Variants in NELL1 observed in about 807,000 individuals in gnomAD.
The protein encoded by NELL1 is protein kinase C-binding protein NELL1.
NELL1 carries 76 observed loss-of-function variants against 107.4 expected under a neutral mutation model. The ratio of observed to expected loss-of-function variants is 0.71; its 90% CI spans 0.59 to 0.86. The LOEUF (loss-of-function observed/expected upper bound fraction) is 0.86, where lower values mean the gene tolerates loss of function less well. Ranked by LOEUF, NELL1 falls within the 40% of genes least tolerant of loss-of-function variation. NELL1 has a pLI of 0.00. For missense variants in NELL1, 1,024 were observed against 1,005.5 expected, an observed-to-expected ratio of 1.02 and a Z score of -0.25; for synonymous variants, 353 against 341.2, an observed-to-expected ratio of 1.03 and a Z score of -0.38.
rs562957216 is a variant in NELL1, at chr11:21,319,474, G to A, written c.1550-51379G>A. ...CAAAGTGCTGGGATTACAGGCATGA[G>A]CCACCATGCCCAGCTAAATTTATAT... is the stretch of plus-strand genomic sequence containing the variant. On this transcript the variant is annotated intron_variant, in intron 14 of 19. Transcript: ENST00000357134. Among the ~76,000 whole-genome samples the A allele has an allele frequency of 2.6e-4, 37 of 144,172 alleles. No individual in the cohort carries two copies. In the Middle Eastern group the frequency reaches 0.011, roughly 43 times the overall value. 94.6% of individuals were successfully genotyped at this position (144,172 alleles called of 152,430 possible). A position where few individuals can be genotyped will look rare whatever the true frequency, so the allele number is the denominator to read the frequency against.
At chr11:20,931,299 T>C (rs893601502) in intron 9 of NELL1, among the ~76,000 whole-genome samples, 1 of 152,086 alleles carries the variant, frequency 6.6e-6, no homozygotes, top group African/African-American at 2.4e-5. Flanking sequence ...CTTCTAGAAG[T>C]TGACTTTTGT....
chr11:20,858,592 C>G (rs1848923096), intron 4 of NELL1, among the ~76,000 whole-genome samples: 1 of 152,178 alleles, frequency 6.6e-6, no homozygotes, highest in African/African-American at 2.4e-5. Flanking sequence ...CCTTCTCCAA[C>G]CAGGTATGAG....
intron 16 of NELL1, among the ~76,000 whole-genome samples, chr11:21,549,367 C>T (rs141009274): frequency 2.0e-4 from 30 of 151,982 alleles, no homozygotes; most frequent in African/African-American, 6.3e-4. Flanking sequence ...ATGTGTTAAT[C>T]AATCATAACT....
rs761182277 is a variant in NELL1 at position 20,937,849 on chromosome 11, G to A, written c.1061G>A (p.Arg354Gln). The change falls in exon 10 of 20, where the codon CGG (arginine) becomes CAG (glutamine). Residue 354 changes from arginine to glutamine, a missense_variant. Coordinates refer to ENST00000357134, the MANE Select transcript of NELL1 (RefSeq NM_006157.5). ...CAGCGGATTTTAACCAAGAGCTGTC[G>A]GGAATGCCGAGTAAGTGTTAATTTT... ...EGQRILTKSC[R>Q]ECRGGVLVKI... 11 of 1,613,822 alleles carry A rather than the reference G, an allele frequency of 6.8e-6. No individual in the cohort carries two copies. The highest frequency in any genetic ancestry group is 5.0e-5 in the Admixed American group (3 of 59,992).
intron 15 of NELL1, among the ~76,000 whole-genome samples, chr11:21,470,125 A>C (rs1854137538): frequency 6.6e-6 from 1 of 151,992 alleles, no homozygotes; most frequent in Non-Finnish European, 1.5e-5. Flanking sequence ...CTACCTTACG[A>C]GGTGTAGGTA....
At chr11:21,370,807 T>C (rs1307585082) in intron 14 of NELL1, 46 bp from the exon 15 acceptor site, 2 of 1,469,084 alleles carry the variant, frequency 1.4e-6, no homozygotes, top group Non-Finnish European at 1.9e-6. Context: ...CGTGAATTTA[T>C]CTATTGCATT....
chr11:21,562,362 C>T (rs1425167520), intron 17 of NELL1, among the ~76,000 whole-genome samples: 2 of 151,910 alleles, frequency 1.3e-5, no homozygotes, highest in South Asian at 2.1e-4. Context: ...TGCACCTTCA[C>T]TGCAAAGCAC....
intron 12 of NELL1, among the ~76,000 whole-genome samples, chr11:21,021,162 T>C (rs767327886): frequency 6.6e-6 from 1 of 151,880 alleles, no homozygotes; most frequent in Non-Finnish European, 1.5e-5. Flanking sequence ...GAACTATATT[T>C]GCCTTAAGAG....
intron 12 of NELL1, among the ~76,000 whole-genome samples, chr11:21,066,566 A>T (rs1853875795): frequency 1.3e-5 from 2 of 152,230 alleles, no homozygotes; most frequent in Admixed American, 1.3e-4. Context: ...TCTGTGAAAT[A>T]AAGGTTGCTA....
chr11:21,167,654 C>T (rs1856515286), intron 13 of NELL1, among the ~76,000 whole-genome samples: 1 of 151,886 alleles, frequency 6.6e-6, no homozygotes, highest in South Asian at 2.1e-4. Context: ...CTGCCACCGA[C>T]CTTCTGGAGT....
intron 16 of NELL1, among the ~76,000 whole-genome samples, chr11:21,543,651 G>A (rs2133981140): frequency 6.6e-6 from 1 of 152,134 alleles, no homozygotes; most frequent in East Asian, 1.9e-4. Context: ...CCCTCTGGAA[G>A]CTTGCCTGCT....
At chr11:21,427,785 G>A (rs1852864115) in intron 15 of NELL1, among the ~76,000 whole-genome samples, 1 of 152,076 alleles carries the variant, frequency 6.6e-6, no homozygotes, top group African/African-American at 2.4e-5. Flanking sequence ...AGAAACCCAA[G>A]AAGTAAAATA....
chr11:20,839,679 T>C (rs1848588892), intron 3 of NELL1, among the ~76,000 whole-genome samples: 1 of 152,252 alleles, frequency 6.6e-6, no homozygotes, highest in African/African-American at 2.4e-5. Flanking sequence ...TGCTGTGTCC[T>C]GCCCACATTC....
intron 3 of NELL1, among the ~76,000 whole-genome samples, chr11:20,844,136 A>C (rs1848665917): frequency 1.3e-5 from 2 of 152,172 alleles, no homozygotes; most frequent in Admixed American, 1.3e-4. Context: ...ACATCTGTAC[A>C]AGTGCCTTTA....
chr11:20,693,488 C>T (rs1224074203), intron 2 of NELL1, among the ~76,000 whole-genome samples: 1 of 152,048 alleles, frequency 6.6e-6, no homozygotes. Flanking sequence ...CCTGGGTTGA[C>T]AAAATCTCTC....
intron 15 of NELL1, among the ~76,000 whole-genome samples, chr11:21,518,691 G>A (rs79537534): frequency 0.12 from 18,757 of 152,142 alleles, 1,327 homozygotes; most frequent in African/African-American, 0.19. Flanking sequence ...GTAGTTTGGT[G>A]GGAGTGACAG....
rs978481036 is a variant in NELL1, at chr11:21,100,163, T to A, written c.1301-13426T>A. ...TCCTGAATAGCTGGGATTAGAGACA[T>A]GCAGCACCACGCCTGGATAATTTTT... On this transcript the variant is annotated intron_variant, in intron 12 of 19. Coordinates refer to ENST00000357134, the MANE Select transcript of NELL1 (RefSeq NM_006157.5). Among the ~76,000 whole-genome samples the A allele has an allele frequency of 2.6e-5, 4 of 151,972 alleles. No individual in the cohort carries two copies. In the South Asian group the frequency reaches 6.2e-4, roughly 24 times the overall value.
chr11:21,458,675 A>C (rs1853813413), intron 15 of NELL1, among the ~76,000 whole-genome samples: 1 of 152,172 alleles, frequency 6.6e-6, no homozygotes, highest in African/African-American at 2.4e-5. Flanking sequence ...GATTTAAAGA[A>C]AAGATACAGA....
intron 12 of NELL1, among the ~76,000 whole-genome samples, chr11:20,975,069 C>T: frequency 6.6e-6 from 1 of 152,096 alleles, no homozygotes; most frequent in Non-Finnish European, 1.5e-5. Context: ...GAGTGCAGTG[C>T]ATGCTCTCAG....
Sources: gnomAD v4.1 joint callset for allele counts (sites outside exome capture counted in the v4.1 genomes callset) on GRCh38, gnomAD v4.1.1 for gene constraint, MANE v1.5 for transcripts, NCBI Gene and HGNC (gene_info 2026-07-23, HGNC 2026-07-21) for gene names.